Variants in MMP26 observed in about 807,000 individuals in gnomAD.
MMP26 encodes the protein matrix metalloproteinase-26.
A neutral mutation model predicts 31.0 loss-of-function variants in MMP26; 33 were observed. The ratio of observed to expected loss-of-function variants is 1.06; its 90% CI spans 0.81 to 1.42. MMP26 has a LOEUF of 1.42. MMP26 is among the 40% of genes most tolerant of loss of function. The pLI is 0.00. For synonymous variants in MMP26, 122 were observed against 114.9 expected (o/e 1.06, Z -0.40); for missense variants, 347 against 316.1 (o/e 1.10, Z -0.74).
chr11:4,885,486 C>T (rs1296090228), intron 2 of MMP26, among the ~76,000 whole-genome samples: 3 of 152,078 alleles, frequency 2.0e-5, no homozygotes, highest in Non-Finnish European at 2.9e-5. Context: ...CATTGTGTTA[C>T]AGTTACCTCA....
At chr11:4,709,527 A>G (rs1429619489) in intron 1 of MMP26, 15 of 396,968 alleles carry the variant, frequency 3.8e-5, no homozygotes, top group Middle Eastern at 5.1e-4. Flanking sequence ...TTATTACAGG[A>G]CATAGTTCTT....
chr11:4,722,427 A>G (rs1848024529), intron 1 of MMP26, among the ~76,000 whole-genome samples: 1 of 150,300 alleles, frequency 6.7e-6, no homozygotes. Context: ...TGCATTTAAT[A>G]GATGCCAATT....
At chr11:4,756,042 A>G (rs934826313) in intron 1 of MMP26, among the ~76,000 whole-genome samples, 1 of 152,088 alleles carries the variant, frequency 6.6e-6, no homozygotes, top group African/African-American at 2.4e-5. Flanking sequence ...TGCAGAACTA[A>G]CAAGAAAACA....
intron 2 of MMP26, among the ~76,000 whole-genome samples, chr11:4,897,660 T>C (rs1850730004): frequency 6.6e-6 from 1 of 151,942 alleles, no homozygotes; most frequent in Non-Finnish European, 1.5e-5. Context: ...GCTATACTTG[T>C]TTGTATTTTT....
At chr11:4,782,500 G>A (rs1294806719) in intron 2 of MMP26, among the ~76,000 whole-genome samples, 2 of 152,138 alleles carry the variant, frequency 1.3e-5, no homozygotes, top group African/African-American at 4.8e-5. Flanking sequence ...ATTTTAAAAG[G>A]GAAACAAAGC....
chr11:4,908,697 A>T, intron 2 of MMP26: 1 of 267,072 alleles, frequency 3.7e-6, no homozygotes, highest in East Asian at 9.3e-5. Context: ...AATAGCTATG[A>T]AGGATGCTGA....
chr11:4,754,784 T>C (rs1034514158), intron 1 of MMP26, among the ~76,000 whole-genome samples: 1 of 152,008 alleles, frequency 6.6e-6, no homozygotes, highest in African/African-American at 2.4e-5. Context: ...TTTTCTACTT[T>C]AAAGCTTTTA....
intron 1 of MMP26, among the ~76,000 whole-genome samples, chr11:4,713,953 T>C (rs1795940075): frequency 6.6e-6 from 1 of 152,088 alleles, no homozygotes; most frequent in Admixed American, 6.6e-5. Flanking sequence ...GAATGAGCCC[T>C]TGGGAAGCTT....
intron 2 of MMP26, chr11:4,876,520 C>G (rs932803095): frequency 6.6e-6 from 1 of 152,074 alleles, no homozygotes; most frequent in Non-Finnish European, 1.5e-5. Context: ...ACTTAATGAG[C>G]TCTTCTCTAT....
At chr11:4,722,911 C>A (rs1336201438) in intron 1 of MMP26, 4 of 785,230 alleles carry the variant, frequency 5.1e-6, no homozygotes, top group Admixed American at 3.4e-5. Flanking sequence ...CCCCATAGGC[C>A]GAGCTTAGAC....
chr11:4,722,419 C>T (rs188851120), intron 1 of MMP26, among the ~76,000 whole-genome samples: 14 of 146,460 alleles, frequency 9.6e-5, no homozygotes, highest in African/African-American at 3.0e-4. Context: ...GTTTGAAATG[C>T]ATTTAATAGA....
At chr11:4,913,757 C>G (rs1433559566) in intron 2 of MMP26, 1 of 152,138 alleles carries the variant, frequency 6.6e-6, no homozygotes, top group Non-Finnish European at 1.5e-5. Flanking sequence ...TCAGAATACA[C>G]TGTCCTCTCT....
intron 2 of MMP26, among the ~76,000 whole-genome samples, chr11:4,826,840 G>A (rs1337568258): frequency 6.6e-6 from 1 of 152,000 alleles, no homozygotes. Flanking sequence ...ATCCTACAGG[G>A]CCACCTCTGA....
intron 2 of MMP26, among the ~76,000 whole-genome samples, chr11:4,928,208 T>A (rs911336139): frequency 6.6e-6 from 1 of 152,128 alleles, no homozygotes; most frequent in Non-Finnish European, 1.5e-5. Flanking sequence ...CCTAGTACAC[T>A]ATCAGACATC....
intron 1 of MMP26, among the ~76,000 whole-genome samples, chr11:4,717,911 T>G (rs112567594): frequency 1.3e-5 from 2 of 152,318 alleles, no homozygotes; most frequent in Non-Finnish European, 2.9e-5. Flanking sequence ...TTCATAACAT[T>G]AAACTATCCA....
At chr11:4,730,404 AAGAGAGAGAGAG>A (rs59289871) in intron 1 of MMP26, among the ~76,000 whole-genome samples, 24 of 144,952 alleles carry the variant, frequency 1.7e-4, no homozygotes, top group Non-Finnish European at 2.3e-4. Context: ...GTTTCTGGGA[AAGAGAGAGAGAG>A]AGAGAGAGAG....
At chr11:4,830,074 A>G (rs751128583) in intron 2 of MMP26, 10 of 152,324 alleles carry the variant, frequency 6.6e-5, no homozygotes, top group Admixed American at 5.2e-4. Flanking sequence ...CCAGGGGACT[A>G]GGTGCCTATT....
intron 2 of MMP26, among the ~76,000 whole-genome samples, chr11:4,826,259 T>G (rs1305248336): frequency 6.6e-6 from 1 of 152,146 alleles, no homozygotes; most frequent in Admixed American, 6.5e-5. Flanking sequence ...CTGGAAAGAC[T>G]GTTCTTTCTA....
rs187359266 is a variant in MMP26, at chr11:4,723,344, T to C, written c.-217+18299T>C. 629 of 972,180 alleles carry C rather than the reference T, an allele frequency of 6.5e-4. 4 individuals carry two copies. In the African/African-American group the frequency reaches 9.0e-3, roughly 14 times the overall value. The allele number at this position is 972,180 out of a possible 1,614,324, so 60.2% of individuals were successfully genotyped here. On this transcript the variant is annotated intron_variant, in intron 1 of 7. Coordinates refer to ENST00000380390, the MANE Select transcript of MMP26 (RefSeq NM_021801.5). The stretch of plus-strand genomic sequence containing the variant: ...AGCTCCTCATACTTGATCTGGTGCA[T>C]GCTCTCAGCCTCCGCCCGGCTGCGG...
Sources: gnomAD v4.1 joint callset for allele counts (sites outside exome capture counted in the v4.1 genomes callset) on GRCh38, gnomAD v4.1.1 for gene constraint, MANE v1.5 for transcripts, NCBI Gene and HGNC (gene_info 2026-07-23, HGNC 2026-07-21) for gene names.